Variants in DNAH11 observed in about 807,000 individuals in gnomAD.
DNAH11 encodes the protein axonemal beta dynein heavy chain 11.
DNAH11 carries 442 observed loss-of-function variants against 526.0 expected under a neutral mutation model. The ratio of observed to expected loss-of-function variants is 0.84; its 90% CI spans 0.78 to 0.91. DNAH11 has a LOEUF of 0.91. Among genes scored for constraint, DNAH11 ranks in the 40% least tolerant of loss-of-function variants. The probability of loss-of-function intolerance (pLI) is 0.00; values close to 1 mark genes in which losing one functional copy is unlikely to be tolerated. For synonymous variants in DNAH11, 2,461 were observed against 1,935.9 expected (o/e 1.27, Z -7.12); for missense variants, 6,989 against 5,448.7 (o/e 1.28, Z -8.90).
intron 77 of DNAH11, 137 bp downstream of exon 77, chr7:21,892,804 C>T (rs919128945): frequency 3.0e-6 from 3 of 1,010,222 alleles, no homozygotes; most frequent in Admixed American, 5.6e-5. Flanking sequence ...ATCAAAATAA[C>T]ATTTCCAACA....
At chr7:21,696,559 T>C (rs904780953) in intron 35 of DNAH11, among the ~76,000 whole-genome samples, 13 of 152,226 alleles carry the variant, frequency 8.5e-5, no homozygotes, top group African/African-American at 2.9e-4. Flanking sequence ...ATTTCCAGTA[T>C]CCTATTTGTG....
chr7:21,595,114 C>G (rs916337816), intron 14 of DNAH11, among the ~76,000 whole-genome samples: 1 of 152,192 alleles, frequency 6.6e-6, no homozygotes, highest in African/African-American at 2.4e-5. Flanking sequence ...ATGGTTATCT[C>G]ATAGTTCTGG....
At chr7:21,874,863 C>G (rs1467411510) in intron 74 of DNAH11, among the ~76,000 whole-genome samples, 23 of 152,052 alleles carry the variant, frequency 1.5e-4, no homozygotes, top group African/African-American at 5.6e-4. Flanking sequence ...AAATCGCATT[C>G]TTGTTAGGAC....
chr7:21,576,042 G>A (rs978747213), intron 8 of DNAH11, among the ~76,000 whole-genome samples: 3 of 152,176 alleles, frequency 2.0e-5, no homozygotes, highest in South Asian at 2.1e-4. Flanking sequence ...CCCAGTAAGT[G>A]CAACTAAAAC....
rs1784394337 is a variant in DNAH11, at chr7:21,709,800, C to G, written c.6684-753C>G. Among the ~76,000 whole-genome samples the G allele has an allele frequency of 2.0e-5, 3 of 152,126 alleles. No individual in the cohort carries two copies. In the South Asian group the frequency reaches 6.2e-4, roughly 32 times the overall value. The stretch of plus-strand genomic sequence containing the variant: ...AGTGACTATTAGAAAAGTTTGCTGG[C>G]TGCTATATGAATTGTGGTGGCAAGT... On this transcript the variant is annotated intron_variant, in intron 40 of 81. Coordinates refer to ENST00000409508, the MANE Select transcript of DNAH11 (RefSeq NM_001277115.2).
chr7:21,884,864 G>A (rs542839216), intron 76 of DNAH11, among the ~76,000 whole-genome samples: 52 of 152,146 alleles, frequency 3.4e-4, no homozygotes, highest in Admixed American at 2.5e-3. Context: ...TTTCTTTTCT[G>A]CCTGTCATGG....
intron 35 of DNAH11, among the ~76,000 whole-genome samples, chr7:21,693,772 C>T (rs1583600367): frequency 6.6e-6 from 1 of 152,084 alleles, no homozygotes; most frequent in African/African-American, 2.4e-5. Flanking sequence ...AGTCCATTCT[C>T]ACACTGCTAT....
chr7:21,567,935 C>T (rs1783739640), intron 6 of DNAH11, among the ~76,000 whole-genome samples: 1 of 152,130 alleles, frequency 6.6e-6, no homozygotes, highest in Non-Finnish European at 1.5e-5. Context: ...TGTGTCATTA[C>T]CACTCTAGAC....
intron 30 of DNAH11, among the ~76,000 whole-genome samples, chr7:21,659,899 T>C (rs1426939647): frequency 6.6e-6 from 1 of 152,136 alleles, no homozygotes; most frequent in Non-Finnish European, 1.5e-5. Flanking sequence ...TTATTCCTTT[T>C]AATTTTACTC....
chr7:21,726,644 G>A (rs1413644950), intron 45 of DNAH11, among the ~76,000 whole-genome samples: 2 of 151,440 alleles, frequency 1.3e-5, no homozygotes, highest in Middle Eastern at 3.4e-3. Flanking sequence ...GGCAGATCAC[G>A]AGGTCAGGAG....
intron 55 of DNAH11, among the ~76,000 whole-genome samples, chr7:21,771,380 G>A (rs1258146531): frequency 1.3e-5 from 2 of 152,076 alleles, no homozygotes; most frequent in East Asian, 1.9e-4. Context: ...GAATATACTG[G>A]GCACTTGCTT....
At chr7:21,667,073 A>G (rs1475032820) in intron 30 of DNAH11, among the ~76,000 whole-genome samples, 1 of 152,160 alleles carries the variant, frequency 6.6e-6, no homozygotes, top group African/African-American at 2.4e-5. Flanking sequence ...AAAATTTCAG[A>G]TAAATTATGA....
intron 30 of DNAH11, among the ~76,000 whole-genome samples, chr7:21,669,638 T>C (rs557926073): frequency 7.5e-5 from 11 of 146,408 alleles, no homozygotes; most frequent in African/African-American, 2.5e-4. Context: ...TTTGTGTCTT[T>C]TTAAAAATGT....
intron 74 of DNAH11, among the ~76,000 whole-genome samples, chr7:21,876,472 A>ATG (rs544011403): frequency 9.8e-5 from 15 of 152,356 alleles, no homozygotes; most frequent in Non-Finnish European, 1.8e-4. Flanking sequence ...CTCTGTGAAT[A>ATG]TGTTCCCATT....
chr7:21,828,452 G>T (rs1046974683), intron 65 of DNAH11, among the ~76,000 whole-genome samples: 2 of 152,012 alleles, frequency 1.3e-5, no homozygotes, highest in African/African-American at 4.8e-5. Context: ...ATTTAGTAAA[G>T]TTTTTTTTCC....
chr7:21,830,663 A>G (rs1790512071), intron 65 of DNAH11, among the ~76,000 whole-genome samples: 1 of 150,968 alleles, frequency 6.6e-6, no homozygotes, highest in African/African-American at 2.4e-5. Context: ...TGGCCAAGCC[A>G]TAAACTCTTT....
Position 21,742,147 on chromosome 7 carries a change from A to G in DNAH11, c.8135A>G (p.Asp2712Gly). The G allele has an allele frequency of 1.9e-6, 3 of 1,613,796 alleles. No homozygotes were observed. The highest frequency in any genetic ancestry group is 2.5e-6 in the Non-Finnish European group (3 of 1,179,818). The change falls in exon 49 of 82, where the codon GAT (aspartate) becomes GGT (glycine). Residue 2712 changes from aspartate to glycine, a missense_variant. By Grantham distance (94) the Asp-to-Gly change is moderately conservative. Transcript: ENST00000409508. ...TTCCACTACATCTTTAATCTGAGAGATTTATCAAACGTCTTCCAGGTACCT... is the reference window on the plus strand; with the variant it reads ...TTCCACTACATCTTTAATCTGAGAGGTTTATCAAACGTCTTCCAGGTACCT... The part of the protein sequence containing the change: ...IKFHYIFNLR[D>G]LSNVFQGILF...
chr7:21,712,231 A>G (rs1170205285), intron 42 of DNAH11, among the ~76,000 whole-genome samples: 1 of 152,186 alleles, frequency 6.6e-6, no homozygotes, highest in Admixed American at 6.5e-5. Flanking sequence ...TTAAGGCTGA[A>G]TAATACTCCA....
At chr7:21,589,477 A>G (rs1784598960) in intron 12 of DNAH11, 74 bp downstream of exon 12, 1 of 1,270,866 alleles carries the variant, frequency 7.9e-7, no homozygotes, top group Non-Finnish European at 1.1e-6. Flanking sequence ...ATTTCCAGTC[A>G]TTTGTAATTT....
Sources: allele counts gnomAD v4.1 joint callset (sites outside exome capture counted in the v4.1 genomes callset), GRCh38; gene constraint gnomAD v4.1.1; transcripts MANE v1.5; gene names NCBI Gene and HGNC (gene_info 2026-07-23, HGNC 2026-07-21).